Variants in ZSWIM2 observed in about 807,000 individuals in gnomAD.
The protein encoded by ZSWIM2 is E3 ubiquitin-protein ligase ZSWIM2.
A neutral mutation model predicts 48.4 loss-of-function variants in ZSWIM2; 38 were observed. The observed-to-expected ratio is 0.79, with a 90% CI of 0.61 to 1.03. ZSWIM2 has a LOEUF of 1.03. ZSWIM2 is among the 50% of genes least tolerant of loss of function. The pLI, the probability that ZSWIM2 is intolerant of heterozygous loss-of-function variation, is 0.00. For missense variants in ZSWIM2, 776 were observed against 730.2 expected (o/e 1.06, Z -0.72); for synonymous variants, 240 against 251.3 (o/e 0.96, Z 0.42).
At chr2:186,837,165 C>T in intron 5 of ZSWIM2, 141 bp downstream of exon 5, 1 of 813,080 alleles carries the variant, frequency 1.2e-6, no homozygotes, top group African/African-American at 1.7e-5. Flanking sequence ...GTCTGTGAGT[C>T]CTAAATAAGC....
intron 3 of ZSWIM2, among the ~76,000 whole-genome samples, chr2:186,843,527 A>G (rs1691945261): frequency 1.3e-5 from 2 of 151,638 alleles, no homozygotes; most frequent in South Asian, 4.1e-4. Context: ...AGGATGTAAA[A>G]CAAGCAGGAT....
chr2:186,847,164 AAAAT>A (rs960602957), intron 2 of ZSWIM2, among the ~76,000 whole-genome samples: 49 of 152,168 alleles, frequency 3.2e-4, no homozygotes, highest in African/African-American at 1.2e-3. Flanking sequence ...CTTTTTATAA[AAAAT>A]AAATAACCTG....
At chr2:186,844,479 T>C (rs1195736239) in intron 3 of ZSWIM2, among the ~76,000 whole-genome samples, 1 of 151,560 alleles carries the variant, frequency 6.6e-6, no homozygotes, top group Non-Finnish European at 1.5e-5. Context: ...CATTGTTTCA[T>C]ACCTGTTTTT....
At chr2:186,833,584 A>C (rs966004216) in intron 6 of ZSWIM2, among the ~76,000 whole-genome samples, 18 of 152,184 alleles carry the variant, frequency 1.2e-4, no homozygotes, top group Non-Finnish European at 2.1e-4. Flanking sequence ...TGCTTATGTA[A>C]GAAAATTTAA....
intron 2 of ZSWIM2, among the ~76,000 whole-genome samples, chr2:186,845,640 TA>T (rs1013010431): frequency 9.2e-5 from 14 of 151,470 alleles, no homozygotes; most frequent in African/African-American, 3.1e-4. Flanking sequence ...TTTTTCATGT[TA>T]ACTATCAAAT....
At chr2:186,836,611 A>G (rs979095195) in intron 5 of ZSWIM2, among the ~76,000 whole-genome samples, 1 of 152,130 alleles carries the variant, frequency 6.6e-6, no homozygotes, top group Admixed American at 6.6e-5. Flanking sequence ...ATACATTTCA[A>G]AAAAATGTGA....
Position 186,828,513 on chromosome 2 carries a change from G to T in ZSWIM2, c.1373C>A (p.Pro458Gln). The T allele has an allele frequency of 6.2e-7, 1 of 1,613,340 alleles. No individual in the cohort carries two copies. The change falls in exon 9 of 9, where the codon CCA becomes CAA. Residue 458 changes from proline (P) to glutamine (Q), a missense_variant. Pro to Gln is a moderately conservative substitution (Grantham distance 76, BLOSUM62 -1). Transcript: ENST00000295131. ...TGTTGTATTTTCATAGGCATCTTTT[G>T]GGCTTTGAGGTGTATTCAATTCATC... ...NFDELNTPQS[P>Q]KDAYENTTID...
intron 1 of ZSWIM2, 151 bp downstream of exon 1, chr2:186,848,815 G>A (rs1444419600): frequency 2.1e-6 from 2 of 948,758 alleles, no homozygotes; most frequent in African/African-American, 3.3e-5. Context: ...GTATTTTAGA[G>A]TCTGGAACAC....
intron 5 of ZSWIM2, among the ~76,000 whole-genome samples, chr2:186,834,252 A>C (rs1321114054): frequency 1.3e-5 from 2 of 152,138 alleles, no homozygotes; most frequent in African/African-American, 4.8e-5. Flanking sequence ...ATTGGATAGA[A>C]GTCTGAGATG....
At position 186,847,694 on chromosome 2, in the gene ZSWIM2, GATCTTC is replaced by G; in HGVS notation, c.242+19_242+24del. ...CACACCAAGATGTTCCTTCATGGAAGATCTTCATTTGAAAAGTCACTTACCAGCAGA... is the reference window on the plus strand; with the variant it reads ...CACACCAAGATGTTCCTTCATGGAAGATTTGAAAAGTCACTTACCAGCAGA... On this transcript the variant is annotated intron_variant, in intron 2 of 8. Coordinates refer to ENST00000295131, the MANE Select transcript of ZSWIM2 (RefSeq NM_182521.3). 4.5e-6 allele frequency: 7 copies of G among 1,538,762 alleles called. No individual in the cohort carries two copies. The highest frequency in any genetic ancestry group is 6.2e-6 in the Non-Finnish European group (7 of 1,126,504).
intron 1 of ZSWIM2, 27 bp downstream of exon 1, chr2:186,848,939 A>G (rs1305506303): frequency 3.1e-6 from 5 of 1,612,724 alleles, no homozygotes; most frequent in Non-Finnish European, 4.2e-6. Context: ...ATGATGGCCA[A>G]CTGGGGGCGG....
At position 186,833,198 on chromosome 2, in the gene ZSWIM2, CT is replaced by C; in HGVS notation, c.862del (p.Arg288GlufsTer6). ...RNQKWRSLEK[R>X]ADEVVKYIDT... ...TATGTATTTTACAACTTCATCTGCTCTTTTTTCTAGTGATCTCCATTTTTGG... is the reference window on the plus strand; with the variant it reads ...TATGTATTTTACAACTTCATCTGCTCTTTTTCTAGTGATCTCCATTTTTGG... On this transcript the variant is annotated frameshift_variant, in exon 7 of 9. Coordinates refer to ENST00000295131, the MANE Select transcript of ZSWIM2 (RefSeq NM_182521.3). LOFTEE classifies it high-confidence loss of function. The C allele has an allele frequency of 1.3e-6, 2 of 1,542,138 alleles. No individual in the cohort carries two copies. Among genetic ancestry groups the C allele is most frequent in the Non-Finnish European group, 1.7e-6 (2 of 1,146,204 alleles).
chr2:186,829,465 T>A (rs13407627), intron 8 of ZSWIM2, among the ~76,000 whole-genome samples: 13,822 of 152,118 alleles, frequency 0.091, 650 homozygotes, highest in Non-Finnish European at 0.11. Flanking sequence ...CTAAAGTAGA[T>A]AAAGGAATCT....
In ZSWIM2 at chr2:186,828,183, T is replaced by C; in HGVS notation, c.1703A>G (p.Lys568Arg). Reference protein sequence around the residue: ...TPATKIREDNKRSTLLPEDFN... With the variant: ...TPATKIREDNRRSTLLPEDFN... ...ATCCTCTGGAAGTAAAGTTGATCTC[T>C]TGTTGTCCTCTCTTATTTTAGTGGC... The change falls in exon 9 of 9, where the codon AAG (lysine) becomes AGG (arginine). Residue 568 changes from lysine (K) to arginine (R), a missense_variant. Physicochemically the swap from Lys to Arg is conservative, Grantham distance 26 (BLOSUM62 2). Transcript: ENST00000295131. The C allele has an allele frequency of 6.2e-7, 1 of 1,613,596 alleles. No homozygotes were observed. Among genetic ancestry groups the C allele is most frequent in the Non-Finnish European group, 8.5e-7 (1 of 1,179,714 alleles).
chr2:186,844,714 T>G lies in ZSWIM2; in HGVS notation c.283+3A>C. On this transcript the variant is annotated splice_donor_region_variant and intron_variant, in intron 3 of 8. Coordinates refer to ENST00000295131, the MANE Select transcript of ZSWIM2 (RefSeq NM_182521.3). ...CACAAAAAACCCAAACCCCAAAACT[T>G]ACATTCATGGTTCCTTGGAAGCTTG... is the stretch of plus-strand genomic sequence containing the variant. The G allele has an allele frequency of 6.4e-7, 1 of 1,555,710 alleles. No individual in the cohort carries two copies. The highest frequency in any genetic ancestry group is 8.6e-7 in the Non-Finnish European group (1 of 1,158,024).
intron 3 of ZSWIM2, 149 bp downstream of exon 3, chr2:186,844,568 T>C (rs988829955): frequency 2.0e-4 from 150 of 744,518 alleles, no homozygotes; most frequent in Admixed American, 3.0e-4. Context: ...GTGTCTTAAG[T>C]TTAAGAAGCT....
intron 3 of ZSWIM2, among the ~76,000 whole-genome samples, chr2:186,839,813 A>C (rs1691869655): frequency 1.3e-5 from 2 of 151,448 alleles, no homozygotes; most frequent in Non-Finnish European, 3.0e-5. Flanking sequence ...TGCAATCCTT[A>C]AAGGAATGAT....
chr2:186,837,804 A>C (rs547537456), intron 4 of ZSWIM2, among the ~76,000 whole-genome samples: 8 of 150,920 alleles, frequency 5.3e-5, no homozygotes, highest in Non-Finnish European at 7.4e-5. Flanking sequence ...CTTCATTCCA[A>C]TGAAATGGTG....
chr2:186,837,181 T>A, intron 5 of ZSWIM2, 125 bp downstream of exon 5: 3 of 986,726 alleles, frequency 3.0e-6, no homozygotes, highest in Admixed American at 4.7e-5. Context: ...TAAGCAGTCG[T>A]CACACAAGTC....
Sources: allele counts gnomAD v4.1 joint callset (sites outside exome capture counted in the v4.1 genomes callset), GRCh38; gene constraint gnomAD v4.1.1; transcripts MANE v1.5; gene names NCBI Gene and HGNC (gene_info 2026-07-23, HGNC 2026-07-21).